Variants in RBFOX3 observed in about 807,000 individuals in gnomAD.
The protein encoded by RBFOX3 is RNA binding protein fox-1 homolog 3.
Under a neutral mutation model 48.7 loss-of-function variants are expected in RBFOX3, and 17 were observed. That is an observed-to-expected ratio of 0.35 (90% CI 0.24 to 0.52). The LOEUF (loss-of-function observed/expected upper bound fraction) is 0.52. Ranked by LOEUF, RBFOX3 falls within the 20% of genes least tolerant of loss-of-function variation. RBFOX3 has a pLI of 0.94. For missense variants in RBFOX3, 382 were observed against 497.5 expected (o/e 0.77, Z 2.21); for synonymous variants, 212 against 209.5 (o/e 1.01, Z -0.10).
At position 79,477,238 on chromosome 17, in the gene RBFOX3, A is replaced by G. The variant is rs868933562; in HGVS notation, c.-175+5216T>C. ...AAAGAGCAAGGCTCCGTTTCAAAAA[A>G]AAATAAATAAAGATAAATTAAAAAA... is the stretch of plus-strand genomic sequence containing the variant. On this transcript the variant is annotated intron_variant, in intron 2 of 14. Coordinates refer to ENST00000693108, the MANE Select transcript of RBFOX3 (RefSeq NM_001350451.2). This position sits in a 1 kb window ranked among gnomAD's most constrained non-coding sequence, Gnocchi z 4.8. Among the ~76,000 whole-genome samples the G allele has an allele frequency of 7.1e-6, 1 of 140,216 alleles. No individual in the cohort carries two copies. Among genetic ancestry groups the G allele is most frequent in the African/African-American group, 2.7e-5 (1 of 37,734 alleles). The allele number at this position is 140,216 out of a possible 152,430, so 92.0% of individuals were successfully genotyped here. A position where few individuals can be genotyped will look rare whatever the true frequency, so the allele number is the denominator to read the frequency against.
intron 3 of RBFOX3, among the ~76,000 whole-genome samples, chr17:79,259,736 AG>A (rs1261853945): frequency 1.3e-5 from 2 of 152,078 alleles, no homozygotes; most frequent in African/African-American, 4.8e-5. Flanking sequence ...ACGCAGGGAC[AG>A]GCTCGGTGTG....
intron 3 of RBFOX3, among the ~76,000 whole-genome samples, chr17:79,262,785 G>C (rs2066004914): frequency 6.6e-6 from 1 of 152,280 alleles, no homozygotes; most frequent in Non-Finnish European, 1.5e-5. Flanking sequence ...AGTATCAGCT[G>C]CTCCCTGTTG....
chr17:79,324,324 C>G (rs1484048850), intron 2 of RBFOX3, among the ~76,000 whole-genome samples: 1 of 152,238 alleles, frequency 6.6e-6, no homozygotes, highest in Non-Finnish European at 1.5e-5. Flanking sequence ...AGCCTCAAAG[C>G]TGGCTGACAT....
intron 3 of RBFOX3, among the ~76,000 whole-genome samples, chr17:79,264,974 G>C (rs946667268): frequency 2.0e-5 from 3 of 151,946 alleles, no homozygotes; most frequent in Non-Finnish European, 4.4e-5. Context: ...GAGGGGGGGG[G>C]GGCGCAGATT....
At chr17:79,388,583 G>A (rs1179039441) in intron 2 of RBFOX3, among the ~76,000 whole-genome samples, 1 of 152,184 alleles carries the variant, frequency 6.6e-6, no homozygotes, top group Non-Finnish European at 1.5e-5. Flanking sequence ...GATTTAAGCT[G>A]GCTCTGAGCG....
rs2076857632 is a variant in RBFOX3, at chr17:79,311,505, T to C, written c.-174-3681A>G. 6.6e-6 allele frequency among the ~76,000 whole-genome samples: 1 copy of C among 150,822 alleles called. No homozygotes were observed. The highest frequency in any genetic ancestry group is 2.4e-5 in the African/African-American group (1 of 41,172). On this transcript the variant is annotated intron_variant, in intron 2 of 14. Transcript: ENST00000693108. This position sits in a 1 kb window ranked among gnomAD's most constrained non-coding sequence, Gnocchi z 4.2. ...GAGGTTCCAGCCTGTCCACCCATCC[T>C]ACAGAGTTCAGATTCGGCAGCCTTC... is the stretch of plus-strand genomic sequence containing the variant.
intron 1 of RBFOX3, among the ~76,000 whole-genome samples, chr17:79,607,926 G>T (rs1171617364): frequency 2.6e-5 from 4 of 152,328 alleles, no homozygotes; most frequent in Non-Finnish European, 4.4e-5. Context: ...GCGCAGGACA[G>T]AAGGCCCACT....
At chr17:79,347,658 T>G (rs2083140474) in intron 2 of RBFOX3, among the ~76,000 whole-genome samples, 1 of 152,216 alleles carries the variant, frequency 6.6e-6, no homozygotes, top group Non-Finnish European at 1.5e-5. Context: ...CTGTATCGCA[T>G]TATTTCCACA....
chr17:79,428,536 A>G (rs781972530), intron 2 of RBFOX3, among the ~76,000 whole-genome samples: 2 of 152,214 alleles, frequency 1.3e-5, no homozygotes, highest in Non-Finnish European at 2.9e-5. Context: ...AGCCATGCCA[A>G]CCCACAGGTG....
intron 3 of RBFOX3, among the ~76,000 whole-genome samples, chr17:79,298,982 C>A (rs2074860816): frequency 6.6e-6 from 1 of 152,160 alleles, no homozygotes; most frequent in South Asian, 2.1e-4. Context: ...CGGCAGCCTG[C>A]TGATGCAAGG....
Position 79,238,458 on chromosome 17 carries a change from G to A in RBFOX3, c.-73-2653C>T, listed in dbSNP as rs560803458. ...AGCAGGACTAAGCCAAAGATTCAGGGCTTCACCTCTCTTCCCGAACACCTC... is the reference window on the plus strand; with the variant it reads ...AGCAGGACTAAGCCAAAGATTCAGGACTTCACCTCTCTTCCCGAACACCTC... On this transcript the variant is annotated intron_variant, in intron 3 of 14. Transcript: ENST00000693108. Among the ~76,000 whole-genome samples the A allele has an allele frequency of 4.6e-4, 70 of 152,288 alleles. 1 individual carries two copies. The highest frequency in any genetic ancestry group is 8.5e-4 in the Non-Finnish European group (58 of 68,028).
chr17:79,384,193 G>C (rs2060281974), intron 2 of RBFOX3, among the ~76,000 whole-genome samples: 1 of 152,198 alleles, frequency 6.6e-6, no homozygotes, highest in Non-Finnish European at 1.5e-5. Context: ...AAACAAAGAG[G>C]GTTTCTGAGC....
intron 2 of RBFOX3, among the ~76,000 whole-genome samples, chr17:79,467,548 G>A (rs1215648376): frequency 1.3e-5 from 2 of 152,166 alleles, no homozygotes; most frequent in African/African-American, 4.8e-5. Flanking sequence ...GCACTCCTGG[G>A]CCACCCCCTG....
chr17:79,659,409 T>A, the RBFOX3 span, among the ~76,000 whole-genome samples: 1 of 152,008 alleles, frequency 6.6e-6, no homozygotes, highest in Admixed American at 6.6e-5. Flanking sequence ...TGGATCCAGC[T>A]AGGAAAGAGC....
chr17:79,524,356 G>A (rs1333278980), intron 1 of RBFOX3, among the ~76,000 whole-genome samples: 2 of 152,072 alleles, frequency 1.3e-5, no homozygotes, highest in Non-Finnish European at 2.9e-5. Context: ...GGAGTTTAAC[G>A]GAGACCTCTC....
chr17:79,172,078 G>C (rs2049419532), intron 4 of RBFOX3, among the ~76,000 whole-genome samples: 1 of 149,592 alleles, frequency 6.7e-6, no homozygotes. Context: ...GGAGGCTGAG[G>C]CATGAGAATT....
chr17:79,373,478 C>A (rs2058825767), intron 2 of RBFOX3, among the ~76,000 whole-genome samples: 1 of 152,226 alleles, frequency 6.6e-6, no homozygotes, highest in Non-Finnish European at 1.5e-5. Flanking sequence ...CAGAACACAC[C>A]TGAAATCCTT....
intron 2 of RBFOX3, among the ~76,000 whole-genome samples, chr17:79,419,996 G>A (rs376733305): frequency 7.2e-5 from 11 of 152,278 alleles, no homozygotes; most frequent in Middle Eastern, 3.4e-3. Context: ...GCATGGCGGC[G>A]TGTTCCTGTA....
At chr17:79,624,038 G>C in the RBFOX3 span, among the ~76,000 whole-genome samples, 1 of 152,158 alleles carries the variant, frequency 6.6e-6, no homozygotes, top group Non-Finnish European at 1.5e-5. Context: ...CACTCCAGAA[G>C]GGAATGCAGC....
Sources: allele counts gnomAD v4.1 joint callset (sites outside exome capture counted in the v4.1 genomes callset), GRCh38; gene constraint gnomAD v4.1.1; non-coding constraint Gnocchi (gnomAD v3.1); transcripts MANE v1.5; gene names NCBI Gene and HGNC (gene_info 2026-07-23, HGNC 2026-07-21).